Variants in DEUP1 observed in about 807,000 individuals in gnomAD.
The protein encoded by DEUP1 is coiled-coil domain containing 67.
Under a neutral mutation model 87.4 loss-of-function variants are expected in DEUP1, and 82 were observed. The ratio of observed to expected loss-of-function variants is 0.94; its 90% CI spans 0.78 to 1.13. The LOEUF is 1.13. DEUP1 is among the 50% of genes most tolerant of loss of function. DEUP1 has a pLI of 0.00. For synonymous variants in DEUP1, 214 were observed against 222.7 expected, an observed-to-expected ratio of 0.96 and a Z score of 0.35; for missense variants, 663 against 681.5, an observed-to-expected ratio of 0.97 and a Z score of 0.30.
chr11:93,393,320 T>A (rs1033320278), intron 9 of DEUP1, among the ~76,000 whole-genome samples: 7 of 151,736 alleles, frequency 4.6e-5, no homozygotes, highest in Admixed American at 3.9e-4. Context: ...CCTTTTTATT[T>A]TTTTTATTTT....
intron 7 of DEUP1, among the ~76,000 whole-genome samples, chr11:93,378,906 G>A (rs1946167589): frequency 6.6e-6 from 1 of 152,096 alleles, no homozygotes; most frequent in South Asian, 2.1e-4. Context: ...AGTGGGAGCT[G>A]CAAGTTAGTC....
rs1178699981 is a variant in DEUP1 at position 93,436,090 on chromosome 11, T to C, written c.1639-1453T>C. Among the ~76,000 whole-genome samples the C allele has an allele frequency of 2.0e-5, 3 of 152,156 alleles. No homozygotes were observed. In the East Asian group the frequency reaches 5.8e-4, roughly 29 times the overall value. ...AAGGGTGGAACATTTTCAAGGTGCA[T>C]TAATTTTTGCTTTACCTAGGATGTT... On this transcript the variant is annotated intron_variant, in intron 13 of 13. Transcript: ENST00000298050.
At chr11:93,394,385 C>A in intron 9 of DEUP1, 74 bp from the exon 10 acceptor site, 1 of 1,129,428 alleles carries the variant, frequency 8.9e-7, no homozygotes, top group Non-Finnish European at 1.2e-6. Context: ...AAGGACTGAA[C>A]ATGGCCAGTA....
intron 7 of DEUP1, among the ~76,000 whole-genome samples, chr11:93,377,140 G>T (rs12271156): frequency 0.24 from 36,887 of 151,940 alleles, 4,803 homozygotes; most frequent in South Asian, 0.38. Flanking sequence ...TTTGTTCTAG[G>T]GTATCATTTA....
intron 8 of DEUP1, among the ~76,000 whole-genome samples, chr11:93,387,655 A>G (rs1458822351): frequency 6.6e-6 from 1 of 152,140 alleles, no homozygotes; most frequent in African/African-American, 2.4e-5. Flanking sequence ...TTGCAAGACC[A>G]CCATGAGGAT....
chr11:93,409,372 T>A (rs1007268270), intron 12 of DEUP1, among the ~76,000 whole-genome samples: 7 of 152,242 alleles, frequency 4.6e-5, no homozygotes, highest in Non-Finnish European at 7.3e-5. Flanking sequence ...TTATTCAATT[T>A]TAATAAAAGA....
intron 2 of DEUP1, among the ~76,000 whole-genome samples, chr11:93,337,890 G>A (rs1315732859): frequency 6.6e-6 from 1 of 152,174 alleles, no homozygotes; most frequent in African/African-American, 2.4e-5. Context: ...CTTTACAAAA[G>A]ATTAGTTACA....
intron 7 of DEUP1, among the ~76,000 whole-genome samples, chr11:93,381,531 A>G (rs1277110022): frequency 2.0e-5 from 3 of 152,158 alleles, no homozygotes; most frequent in African/African-American, 7.2e-5. Context: ...GAAATGTGTC[A>G]GTATGCTTAT....
chr11:93,348,240 C>T (rs1388576832), intron 2 of DEUP1, among the ~76,000 whole-genome samples: 1 of 151,982 alleles, frequency 6.6e-6, no homozygotes, highest in Non-Finnish European at 1.5e-5. Flanking sequence ...CTCTTTTCTT[C>T]TTTGTCTAGC....
In DEUP1 at chr11:93,437,865, TAGTA is replaced by T. The variant is rs1046265237; in HGVS notation, c.*151_*154del. 1.9e-5 allele frequency: 11 copies of T among 581,232 alleles called. No individual in the cohort carries two copies. The highest frequency in any genetic ancestry group is 3.1e-5 in the East Asian group (1 of 32,702). The allele number at this position is 581,232 out of a possible 1,614,324, so 36.0% of individuals were successfully genotyped here. A position where few individuals can be genotyped will look rare whatever the true frequency, so the allele number is the denominator to read the frequency against. On this transcript the variant is annotated 3_prime_UTR_variant, in exon 14 of 14. Coordinates refer to ENST00000298050, the MANE Select transcript of DEUP1 (RefSeq NM_181645.4). ...TAATTTCCGTAAGGCAGCTAGAAAATAGTAAGTATTTTGTTCTATAAAGCTGTTC... is the reference window on the plus strand; with the variant it reads ...TAATTTCCGTAAGGCAGCTAGAAAATAGTATTTTGTTCTATAAAGCTGTTC...
At chr11:93,415,434 TATATTTTA>T (rs1301617891) in intron 13 of DEUP1, among the ~76,000 whole-genome samples, 4 of 152,172 alleles carry the variant, frequency 2.6e-5, no homozygotes, top group African/African-American at 9.6e-5. Flanking sequence ...CAAGGATCCG[TATATTTTA>T]AAGAGCTACA....
At chr11:93,416,573 G>A (rs1262458960) in intron 13 of DEUP1, among the ~76,000 whole-genome samples, 3 of 151,628 alleles carry the variant, frequency 2.0e-5, no homozygotes, top group Admixed American at 1.3e-4. Context: ...GGACCAGATG[G>A]ATTCACAGCC....
intron 2 of DEUP1, among the ~76,000 whole-genome samples, chr11:93,343,553 C>A (rs1268855406): frequency 6.6e-6 from 1 of 152,156 alleles, no homozygotes; most frequent in African/African-American, 2.4e-5. Flanking sequence ...TTAGTGCCTG[C>A]TAATATTTCA....
At chr11:93,428,570 A>C (rs1304528586) in intron 13 of DEUP1, among the ~76,000 whole-genome samples, 1 of 152,144 alleles carries the variant, frequency 6.6e-6, no homozygotes, top group Non-Finnish European at 1.5e-5. Flanking sequence ...CATTGTGCAC[A>C]TGTACCCTAA....
At chr11:93,348,139 G>A (rs1944450598) in intron 2 of DEUP1, among the ~76,000 whole-genome samples, 1 of 152,144 alleles carries the variant, frequency 6.6e-6, no homozygotes, top group South Asian at 2.1e-4. Flanking sequence ...ATAGAGGTAT[G>A]TATAATATTC....
intron 11 of DEUP1, among the ~76,000 whole-genome samples, chr11:93,397,370 C>G (rs900309809): frequency 2.0e-5 from 3 of 151,962 alleles, no homozygotes; most frequent in Admixed American, 6.6e-5. Flanking sequence ...AAGTGATTTT[C>G]CTATTTGTTA....
At chr11:93,401,773 A>C (rs893024770) in intron 11 of DEUP1, among the ~76,000 whole-genome samples, 1 of 152,126 alleles carries the variant, frequency 6.6e-6, no homozygotes, top group Non-Finnish European at 1.5e-5. Flanking sequence ...CAGCCTCTTC[A>C]ATAAATGGTG....
At position 93,393,183 on chromosome 11, in the gene DEUP1, G is replaced by T. The variant is rs372832012; in HGVS notation, c.1042-1276G>T. Among the ~76,000 whole-genome samples the T allele has an allele frequency of 2.2e-3, 326 of 148,154 alleles. 2 individuals are homozygous for T. Among genetic ancestry groups the T allele is most frequent in the African/African-American group, 7.7e-3 (313 of 40,518 alleles). On this transcript the variant is annotated intron_variant, in intron 9 of 13. Coordinates refer to ENST00000298050, the MANE Select transcript of DEUP1 (RefSeq NM_181645.4). The stretch of plus-strand genomic sequence containing the variant: ...GCCTACTGCAGCCTAGACCTCCTAG[G>T]CTTAAGGGATCCTCCCACCCCAGTG...
chr11:93,406,948 A>T (rs1019669623), intron 11 of DEUP1, among the ~76,000 whole-genome samples: 13 of 152,082 alleles, frequency 8.5e-5, no homozygotes, highest in African/African-American at 3.1e-4. Context: ...ATTTTTATCT[A>T]TCAAGTTGGC....
Sources: allele counts gnomAD v4.1 joint callset (sites outside exome capture counted in the v4.1 genomes callset), GRCh38; gene constraint gnomAD v4.1.1; transcripts MANE v1.5; gene names NCBI Gene and HGNC (gene_info 2026-07-23, HGNC 2026-07-21).